Variants in PLXDC2 observed in about 807,000 individuals in gnomAD.
PLXDC2 encodes plexin domain-containing protein 2.
Under a neutral mutation model 68.9 loss-of-function variants are expected in PLXDC2, and 40 were observed. That is an observed-to-expected ratio of 0.58 (90% CI 0.45 to 0.76). The LOEUF (loss-of-function observed/expected upper bound fraction) is 0.76, where lower values mean the gene tolerates loss of function less well. Among genes scored for constraint, PLXDC2 ranks in the 30% least tolerant of loss-of-function variants. PLXDC2 has a pLI of 0.00. For synonymous variants in PLXDC2, 243 were observed against 234.2 expected (o/e 1.04, Z -0.34); for missense variants, 644 against 661.9 (o/e 0.97, Z 0.30).
chr10:20,267,365 C>T (rs953353206), intron 13 of PLXDC2, among the ~76,000 whole-genome samples: 1 of 152,014 alleles, frequency 6.6e-6, no homozygotes, highest in Non-Finnish European at 1.5e-5. Context: ...ATTGACTTGC[C>T]ATAGGCCTTA....
intron 12 of PLXDC2, among the ~76,000 whole-genome samples, chr10:20,241,040 T>G (rs1835509176): frequency 6.6e-6 from 1 of 152,234 alleles, no homozygotes; most frequent in South Asian, 2.1e-4. Context: ...TGTTATTAAA[T>G]GGTTATTTGG....
intron 4 of PLXDC2, among the ~76,000 whole-genome samples, chr10:20,130,619 T>C (rs1033213210): frequency 2.0e-5 from 3 of 152,170 alleles, no homozygotes; most frequent in African/African-American, 7.2e-5. Context: ...TGTGATACTA[T>C]ATGTGGACTT....
At chr10:19,996,360 T>A (rs1226850219) in intron 1 of PLXDC2, among the ~76,000 whole-genome samples, 1 of 152,092 alleles carries the variant, frequency 6.6e-6, no homozygotes, top group Non-Finnish European at 1.5e-5. Context: ...GGCTGAAGGA[T>A]CACTTGAGGC....
intron 1 of PLXDC2, among the ~76,000 whole-genome samples, chr10:19,883,118 G>A (rs888223703): frequency 5.9e-5 from 9 of 151,668 alleles, no homozygotes; most frequent in Non-Finnish European, 8.8e-5. Context: ...CACCACGCCC[G>A]GCTAATTTTT....
intron 1 of PLXDC2, among the ~76,000 whole-genome samples, chr10:20,000,397 T>C (rs1443986724): frequency 6.6e-6 from 1 of 152,120 alleles, no homozygotes; most frequent in Non-Finnish European, 1.5e-5. Context: ...TGTGGTCCTT[T>C]TGAGCTCTAA....
At chr10:20,134,737 G>T (rs1436419932) in intron 4 of PLXDC2, among the ~76,000 whole-genome samples, 1 of 152,120 alleles carries the variant, frequency 6.6e-6, no homozygotes, top group African/African-American at 2.4e-5. Context: ...ATTCATCCTG[G>T]AGCCTGGAGC....
intron 1 of PLXDC2, among the ~76,000 whole-genome samples, chr10:19,850,097 T>C (rs1837085872): frequency 6.6e-6 from 1 of 152,200 alleles, no homozygotes; most frequent in Admixed American, 6.5e-5. Flanking sequence ...TTCATCAATA[T>C]ACTTTGCACC....
chr10:20,161,451 C>CTTTTT (rs367647028), intron 6 of PLXDC2, among the ~76,000 whole-genome samples: 1 of 150,764 alleles, frequency 6.6e-6, no homozygotes, highest in Non-Finnish European at 1.5e-5. Flanking sequence ...GTCTCTCTCT[C>CTTTTT]TCTTTTTTTT....
At chr10:20,198,548 C>T (rs1477922664) in intron 9 of PLXDC2, among the ~76,000 whole-genome samples, 1 of 152,098 alleles carries the variant, frequency 6.6e-6, no homozygotes, top group Non-Finnish European at 1.5e-5. Context: ...TAGTTATCTA[C>T]AATTTCCACC....
intron 12 of PLXDC2, among the ~76,000 whole-genome samples, chr10:20,233,996 T>TA (rs1444185407): frequency 9.9e-5 from 15 of 151,266 alleles, no homozygotes; most frequent in Middle Eastern, 3.4e-3. Context: ...ACTTTTTTTT[T>TA]TTTTATTTTT....
chr10:20,097,394 C>T (rs1240492330), intron 4 of PLXDC2, among the ~76,000 whole-genome samples: 1 of 152,098 alleles, frequency 6.6e-6, no homozygotes, highest in Non-Finnish European at 1.5e-5. Flanking sequence ...AACCAATATT[C>T]GGTCAGCCCT....
intron 12 of PLXDC2, among the ~76,000 whole-genome samples, chr10:20,241,134 ACATT>A (rs1428550450): frequency 5.5e-5 from 2 of 36,196 alleles, no homozygotes; most frequent in Non-Finnish European, 1.6e-4. Flanking sequence ...ATGTAAAGGA[ACATT>A]TTTTAAAAGG....
intron 1 of PLXDC2, among the ~76,000 whole-genome samples, chr10:19,895,675 G>T (rs1347768635): frequency 2.0e-5 from 3 of 152,080 alleles, no homozygotes; most frequent in Non-Finnish European, 2.9e-5. Context: ...CACCGCCTTA[G>T]ACAGCTCAGT....
At chr10:19,917,679 T>C (rs189977819) in intron 1 of PLXDC2, among the ~76,000 whole-genome samples, 1 of 152,326 alleles carries the variant, frequency 6.6e-6, no homozygotes, top group East Asian at 1.9e-4. Context: ...ATTCAGACAA[T>C]ATGGGTCTCT....
intron 3 of PLXDC2, among the ~76,000 whole-genome samples, chr10:20,050,055 C>A (rs1835865022): frequency 6.6e-6 from 1 of 152,016 alleles, no homozygotes; most frequent in South Asian, 2.1e-4. Flanking sequence ...GAAATAAGGC[C>A]ACATACCTAT....
At chr10:20,265,921 G>GAT (rs1416131608) in intron 13 of PLXDC2, among the ~76,000 whole-genome samples, 1 of 152,148 alleles carries the variant, frequency 6.6e-6, no homozygotes, top group African/African-American at 2.4e-5. Context: ...CCACCAACGG[G>GAT]ATATACGGTC....
chr10:20,258,409 A>T (rs1835770224), intron 13 of PLXDC2, among the ~76,000 whole-genome samples: 1 of 152,086 alleles, frequency 6.6e-6, no homozygotes, highest in African/African-American at 2.4e-5. Flanking sequence ...CACTCTTGCT[A>T]CTTACTCTGT....
intron 1 of PLXDC2, among the ~76,000 whole-genome samples, chr10:19,944,732 C>T (rs1022558780): frequency 6.6e-6 from 1 of 152,126 alleles, no homozygotes; most frequent in Non-Finnish European, 1.5e-5. Flanking sequence ...GGGCAGATCA[C>T]CTGAGGTCAG....
rs1183860675 is a variant in PLXDC2 at position 19,885,271 on chromosome 10, A to G, written c.112+68080A>G. Among the ~76,000 whole-genome samples the G allele has an allele frequency of 4.6e-5, 7 of 151,186 alleles. No homozygotes were observed. The East Asian group carries it at 1.4e-3, about 29-fold the overall frequency. On this transcript the variant is annotated intron_variant, in intron 1 of 13. Coordinates refer to ENST00000377252, the MANE Select transcript of PLXDC2 (RefSeq NM_032812.9). Reference sequence around the variant, plus strand: ...GATATTAGCCCTTTGTCAGATGAGTAGGTTGCGAAAATTTTCTCCCATTTT... The same window carrying G: ...GATATTAGCCCTTTGTCAGATGAGTGGGTTGCGAAAATTTTCTCCCATTTT...
Sources: allele counts gnomAD v4.1 joint callset (sites outside exome capture counted in the v4.1 genomes callset), GRCh38; gene constraint gnomAD v4.1.1; transcripts MANE v1.5; gene names NCBI Gene and HGNC (gene_info 2026-07-23, HGNC 2026-07-21).